The following ZNF714 variants were observed in gnomAD, a reference collection of about 807,000 sequenced individuals.
ZNF714 encodes the protein zinc finger protein 714.
A neutral mutation model predicts 46.2 loss-of-function variants in ZNF714; 32 were observed. That is an observed-to-expected ratio of 0.69 (90% confidence interval 0.52 to 0.93). The LOEUF is 0.93. Among genes scored for constraint, ZNF714 ranks in the 40% least tolerant of loss-of-function variants. The pLI is 0.00. For missense variants in ZNF714, 635 were observed against 646.3 expected, an observed-to-expected ratio of 0.98 and a Z score of 0.19; for synonymous variants, 199 against 213.1, an observed-to-expected ratio of 0.93 and a Z score of 0.58.
intron 4 of ZNF714, among the ~76,000 whole-genome samples, chr19:21,100,307 C>T (rs926769862): frequency 5.3e-5 from 8 of 151,994 alleles, no homozygotes; most frequent in African/African-American, 1.9e-4. Context: ...TGGATCCCCT[C>T]AGGTCAGGAG....
intron 2 of ZNF714, among the ~76,000 whole-genome samples, chr19:21,094,857 G>A (rs777517633): frequency 2.6e-5 from 4 of 152,150 alleles, no homozygotes; most frequent in South Asian, 2.1e-4. Context: ...GTGAGATGGT[G>A]TCTCATTGTG....
At chr19:21,115,943 T>C (rs1969587150) in intron 4 of ZNF714, among the ~76,000 whole-genome samples, 1 of 151,730 alleles carries the variant, frequency 6.6e-6, no homozygotes, top group Non-Finnish European at 1.5e-5. Flanking sequence ...TTCAATTTAT[T>C]TTTAATTTTT....
chr19:21,088,295 C>T (rs1364914628), intron 2 of ZNF714, among the ~76,000 whole-genome samples: 1 of 152,122 alleles, frequency 6.6e-6, no homozygotes, highest in Non-Finnish European at 1.5e-5. Flanking sequence ...TTTTAAATAA[C>T]CAGTCATTTT....
At chr19:21,111,292 T>G (rs1969444853) in intron 4 of ZNF714, among the ~76,000 whole-genome samples, 1 of 152,222 alleles carries the variant, frequency 6.6e-6, no homozygotes, top group South Asian at 2.1e-4. Context: ...ACTTCCCTTG[T>G]TAGCTGTATT....
chr19:21,097,870 G>C (rs972675887), intron 2 of ZNF714, among the ~76,000 whole-genome samples: 3 of 149,614 alleles, frequency 2.0e-5, no homozygotes, highest in African/African-American at 7.4e-5. Context: ...GTCTTTTTTT[G>C]TCTGAAAAAT....
At chr19:21,098,987 T>A (rs773817928) in intron 4 of ZNF714, 77 bp downstream of exon 4, 1 of 883,972 alleles carries the variant, frequency 1.1e-6, no homozygotes. Flanking sequence ...AAGCCGGCCC[T>A]TACAATGTGA....
At chr19:21,086,444 T>C (rs1459024160) in intron 2 of ZNF714, among the ~76,000 whole-genome samples, 5 of 152,198 alleles carry the variant, frequency 3.3e-5, no homozygotes, top group African/African-American at 1.2e-4. Flanking sequence ...GATTATATGC[T>C]AAACAAGGGG....
rs562526632 is a variant in ZNF714 at position 21,096,665 on chromosome 19, G to T, written c.-84-1520G>T. Among the ~76,000 whole-genome samples, 32 of 152,174 alleles carry T rather than the reference G, an allele frequency of 2.1e-4. 1 individual carries two copies. The highest frequency in any genetic ancestry group is 7.7e-4 in the African/African-American group (32 of 41,520). ...AATTCCTACCATGAATTTATGATCT[G>T]CCATATTAAAAGTGTTCCTTTTGTG... On this transcript the variant is annotated intron_variant, in intron 2 of 4. Coordinates refer to ENST00000456283, the MANE Select transcript of ZNF714 (RefSeq NM_182515.4).
chr19:21,082,407 G>A (rs1968672901), intron 1 of ZNF714, 59 bp downstream of exon 1: 4 of 1,432,934 alleles, frequency 2.8e-6, no homozygotes, highest in African/African-American at 2.8e-5. Context: ...TAAGCGGTGG[G>A]AAGTGGCTGT....
At position 21,082,329 on chromosome 19, in the gene ZNF714, A is replaced by G. The variant is rs754961423; in HGVS notation, c.-196A>G. On this transcript the variant is annotated 5_prime_UTR_variant, in exon 1 of 5. Coordinates refer to ENST00000456283, the MANE Select transcript of ZNF714 (RefSeq NM_182515.4). ...GAGATCCACAGCTAAGACGCCAGGT[A>G]CCCCGGAAGCCTAGAAATGGTGAGA... 1 of 1,453,966 alleles carries G rather than the reference A, an allele frequency of 6.9e-7. No individual in the cohort carries two copies. The highest frequency in any genetic ancestry group is 9.3e-7 in the Non-Finnish European group (1 of 1,075,482). 90.1% of individuals were successfully genotyped at this position (1,453,966 alleles called of 1,614,324 possible).
At position 21,118,466 on chromosome 19, in the gene ZNF714, A is replaced by G. The variant is rs903005301; in HGVS notation, c.*134A>G. On this transcript the variant is annotated 3_prime_UTR_variant, in exon 5 of 5. Transcript: ENST00000456283. ...GACTCTGTCTCAAAAAAAAAAAAAA[A>G]AAGAAAAGAAAATTCATACTGGAAC... 10 of 423,482 alleles carry G rather than the reference A, an allele frequency of 2.4e-5. No homozygotes were observed. In the East Asian group the frequency reaches 3.8e-4, roughly 16 times the overall value. The allele number at this position is 423,482 out of a possible 1,614,324, so 26.2% of individuals were successfully genotyped here.
intron 2 of ZNF714, among the ~76,000 whole-genome samples, chr19:21,095,687 C>T (rs937257455): frequency 6.6e-6 from 1 of 151,990 alleles, no homozygotes; most frequent in African/African-American, 2.4e-5. Flanking sequence ...ATCTCCTGAC[C>T]TCATGATCCG....
At position 21,106,724 on chromosome 19, in the gene ZNF714, T is replaced by C. The variant is rs372038036; in HGVS notation, c.142+7814T>C. Among the ~76,000 whole-genome samples the C allele has an allele frequency of 3.0e-4, 45 of 152,352 alleles. 1 individual carries two copies. The South Asian group carries it at 8.7e-3, about 29-fold the overall frequency. On this transcript the variant is annotated intron_variant, in intron 4 of 4. Coordinates refer to ENST00000456283, the MANE Select transcript of ZNF714 (RefSeq NM_182515.4). ...AACCTTGTGGAAGATCATGTAATCATATACAGAAGGCTTCATTTCTGGGCT... is the reference window on the plus strand; with the variant it reads ...AACCTTGTGGAAGATCATGTAATCACATACAGAAGGCTTCATTTCTGGGCT...
chr19:21,083,094 A>G (rs1039976788), intron 1 of ZNF714, among the ~76,000 whole-genome samples: 2 of 151,626 alleles, frequency 1.3e-5, no homozygotes, highest in Non-Finnish European at 2.9e-5. Context: ...CTGGAGTGCA[A>G]TGGGGCGATC....
rs1009602757 is a variant in ZNF714, at chr19:21,090,820, T to C, written c.-85+6751T>C. On this transcript the variant is annotated intron_variant, in intron 2 of 4. Transcript: ENST00000456283. ...GAGGGCTGATGGTTGCACATTTTTA[T>C]GGTTATTTCTTGATTATATGCTAAA... 3 of 151,682 alleles carry C rather than the reference T, an allele frequency of 2.0e-5. No individual in the cohort carries two copies. In the South Asian group the frequency reaches 6.2e-4, roughly 32 times the overall value. The allele number at this position is 151,682 out of a possible 1,614,324, so 9.4% of individuals were successfully genotyped here. A position where few individuals can be genotyped will look rare whatever the true frequency, so the allele number is the denominator to read the frequency against.
At chr19:21,099,804 T>A (rs1969130759) in intron 4 of ZNF714, among the ~76,000 whole-genome samples, 1 of 152,086 alleles carries the variant, frequency 6.6e-6, no homozygotes, top group Admixed American at 6.5e-5. Flanking sequence ...TGTAGATGAC[T>A]TTAGATAATA....
In ZNF714 at chr19:21,116,945, A is replaced by C. The variant is rs375524414; in HGVS notation, c.281A>C (p.Glu94Ala). 3.7e-6 allele frequency: 6 copies of C among 1,612,648 alleles called. No individual in the cohort carries two copies. The highest frequency in any genetic ancestry group is 1.3e-5 in the African/African-American group (1 of 74,076). ...QLRKGSANVV[E>A]CKVYKKGYNE... ...AGAAAAGGCTCCGCAAATGTGGTTG[A>C]GTGTAAGGTGTACAAAAAAGGTTAT... is the stretch of plus-strand genomic sequence containing the variant. The change falls in exon 5 of 5, where the codon GAG becomes GCG. Residue 94 changes from glutamate (E) to alanine (A), a missense_variant. Transcript: ENST00000456283.
chr19:21,103,936 T>C (rs1969250402), intron 4 of ZNF714, among the ~76,000 whole-genome samples: 1 of 152,166 alleles, frequency 6.6e-6, no homozygotes, highest in African/African-American at 2.4e-5. Flanking sequence ...TATATTCACA[T>C]TGTTATGCAA....
chr19:21,118,123 G>C lies in ZNF714; in HGVS notation c.1459G>C (p.Gly487Arg). Reference protein sequence around the residue: ...GEKSYKCEECGKAFNQSSTLT... With the variant: ...GEKSYKCEECRKAFNQSSTLT... ...GAAATCTTACAAATGTGAAGAATGT[G>C]GTAAAGCCTTTAACCAATCCTCAAC... is the stretch of plus-strand genomic sequence containing the variant. The change falls in exon 5 of 5, where the codon GGT (glycine) becomes CGT (arginine). Residue 487 changes from glycine to arginine, a missense_variant. By Grantham distance (125) the Gly-to-Arg change is moderately radical. Coordinates refer to ENST00000456283, the MANE Select transcript of ZNF714 (RefSeq NM_182515.4). 3 of 1,613,798 alleles carry C rather than the reference G, an allele frequency of 1.9e-6. No homozygotes were observed. Among genetic ancestry groups the C allele is most frequent in the Non-Finnish European group, 2.5e-6 (3 of 1,179,822 alleles).
Sources: gnomAD v4.1 joint callset for allele counts (sites outside exome capture counted in the v4.1 genomes callset) on GRCh38, gnomAD v4.1.1 for gene constraint, MANE v1.5 for transcripts, NCBI Gene and HGNC (gene_info 2026-07-23, HGNC 2026-07-21) for gene names.